Variants in ITGB1BP2 observed in about 807,000 individuals in gnomAD.
ITGB1BP2 encodes the protein integrin subunit beta 1 binding protein 2, also known as integrin beta-1-binding protein 2.
In ITGB1BP2, 27 loss-of-function variants were observed where a neutral mutation model predicts 32.2. The observed-to-expected ratio is 0.84, with a 90% CI of 0.62 to 1.16. The LOEUF is 1.16. Among genes scored for constraint, ITGB1BP2 ranks in the 50% most tolerant of loss-of-function variants. ITGB1BP2 has a pLI of 0.00. For missense variants in ITGB1BP2, 250 were observed against 267.3 expected (o/e 0.94, Z 0.45); for synonymous variants, 105 against 94.7 (o/e 1.11, Z -0.63).
chrX:71,304,331 A>C, intron 9 of ITGB1BP2, 31 bp downstream of exon 9: 1 of 1,059,554 alleles, frequency 9.4e-7, no homozygotes, highest in Non-Finnish European at 1.3e-6. Flanking sequence ...GGATGGGAGG[A>C]TAGTCAATTG....
In ITGB1BP2 at chrX:71,303,810, A is replaced by G; in HGVS notation, c.540-2A>G. ...TTCAGTTGAATTATCTTCCTACTTC[A>G]GGATGAAGTCTTGGAGCTGTTGTGG... On this transcript the variant is annotated splice_acceptor_variant, in intron 7 of 10. Transcript: ENST00000373829. LOFTEE classifies it high-confidence loss of function. The G allele has an allele frequency of 8.3e-7, 1 of 1,205,969 alleles. No individual in the cohort carries two copies. Among genetic ancestry groups the G allele is most frequent in the South Asian group, 1.8e-5 (1 of 56,391 alleles).
intron 8 of ITGB1BP2, 48 bp from the exon 9 acceptor site, chrX:71,304,139 C>G: frequency 1.0e-6 from 1 of 989,748 alleles, no homozygotes; most frequent in East Asian, 3.0e-5. Flanking sequence ...AACTCCCCTT[C>G]AGTTAAGAAT....
In ITGB1BP2 at chrX:71,302,123, A is replaced by T. The variant is rs780905771; in HGVS notation, c.65-14A>T. On this transcript the variant is annotated splice_polypyrimidine_tract_variant and intron_variant, in intron 1 of 10. Coordinates refer to ENST00000373829, the MANE Select transcript of ITGB1BP2 (RefSeq NM_012278.4). ...TATCTTCCCTTCCTTGATAACTTCT[A>T]CTGATGTCCACAGATTCCTGTTGCC... 3 of 1,207,609 alleles carry T rather than the reference A, an allele frequency of 2.5e-6. No individual in the cohort carries two copies. Among genetic ancestry groups the T allele is most frequent in the East Asian group, 5.9e-5 (2 of 33,797 alleles).
In ITGB1BP2 at chrX:71,302,536, C is replaced by T. The variant is rs1277153046; in HGVS notation, c.297C>T (p.Thr99=). Residue 99 remains threonine (T), a synonymous_variant, in exon 4 of 11, where the codon ACC becomes ACT. Coordinates refer to ENST00000373829, the MANE Select transcript of ITGB1BP2 (RefSeq NM_012278.4). ...PLNVIPKSAE[T]LRRERPKSEL... ...ATGTGATTCCAAAGTCAGCAGAGAC[C>T]TTGCGCCGGGAGAGGCCCAAGTAAA... 8.3e-7 allele frequency: 1 copy of T among 1,208,647 alleles called. No individual in the cohort carries two copies. The highest frequency in any genetic ancestry group is 1.1e-6 in the Non-Finnish European group (1 of 894,177).
In ITGB1BP2 at chrX:71,304,603, G is replaced by C. The variant is rs1257330120; in HGVS notation, c.815G>C (p.Gly272Ala). ...RVFQAQMKLW[G>A]VINVEQSSVF... ...TTCCAAGCACAGATGAAGCTCTGGG[G>C]GGTAAGTGAAGACCAGGGGACACAA... The change falls in exon 10 of 11, where the codon GGG becomes GCG. Residue 272 changes from glycine to alanine, a missense_variant and splice_region_variant. Coordinates refer to ENST00000373829, the MANE Select transcript of ITGB1BP2 (RefSeq NM_012278.4). 1.1e-5 allele frequency: 13 copies of C among 1,202,994 alleles called. No homozygotes were observed. Among genetic ancestry groups the C allele is most frequent in the Non-Finnish European group, 1.5e-5 (13 of 889,861 alleles).
At chrX:71,304,157 T>TA in intron 8 of ITGB1BP2, 30 bp from the exon 9 acceptor site, 1 of 1,093,901 alleles carries the variant, frequency 9.1e-7, no homozygotes, top group South Asian at 1.9e-5. Flanking sequence ...AATTTATTCT[T>TA]ACCACCTGCA....
chrX:71,305,029 A>C lies in ITGB1BP2; in HGVS notation c.881A>C (p.Lys294Thr). 8.3e-7 allele frequency: 1 copy of C among 1,211,208 alleles called. No homozygotes were observed. ...TCTCGGGTTGAAATCTCCCTGGTCAAGGCTGACCCAGGATCCTGGGCCCAG... is the reference window on the plus strand; with the variant it reads ...TCTCGGGTTGAAATCTCCCTGGTCACGGCTGACCCAGGATCCTGGGCCCAG... Reference protein sequence around the residue: ...MPSRVEISLVKADPGSWAQLE... With the variant: ...MPSRVEISLVTADPGSWAQLE... The change falls in exon 11 of 11, where the codon AAG (lysine) becomes ACG (threonine). Residue 294 changes from lysine to threonine, a missense_variant. By Grantham distance (78) the Lys-to-Thr change is moderately conservative. Coordinates refer to ENST00000373829, the MANE Select transcript of ITGB1BP2 (RefSeq NM_012278.4).
Position 71,302,136 on chromosome X carries a change from G to GA in ITGB1BP2, c.65dup (p.Asp22GlufsTer14), listed in dbSNP as rs1364179878. Reference sequence around the variant, plus strand: ...TTGATAACTTCTACTGATGTCCACAGATTCCTGTTGCCATCACCCTGGGGT... The same window carrying GA: ...TTGATAACTTCTACTGATGTCCACAGAATTCCTGTTGCCATCACCCTGGGGT... On this transcript the variant is annotated frameshift_variant and splice_region_variant. Transcript: ENST00000373829. LOFTEE classifies it high-confidence loss of function. 8.3e-7 allele frequency: 1 copy of GA among 1,210,086 alleles called. No homozygotes were observed. Among genetic ancestry groups the GA allele is most frequent in the Admixed American group, 2.2e-5 (1 of 45,779 alleles).
rs1053750835 is a variant in ITGB1BP2, at chrX:71,302,118, C to A, written c.65-19C>A. On this transcript the variant is annotated intron_variant, in intron 1 of 10. Coordinates refer to ENST00000373829, the MANE Select transcript of ITGB1BP2 (RefSeq NM_012278.4). ...ATAGTTATCTTCCCTTCCTTGATAA[C>A]TTCTACTGATGTCCACAGATTCCTG... 8.3e-7 allele frequency: 1 copy of A among 1,206,697 alleles called. No individual in the cohort carries two copies. Among genetic ancestry groups the A allele is most frequent in the East Asian group, 3.0e-5 (1 of 33,768 alleles).
At position 71,302,198 on chromosome X, in the gene ITGB1BP2, G is replaced by C; in HGVS notation, c.114+12G>C. On this transcript the variant is annotated intron_variant, in intron 2 of 10. Coordinates refer to ENST00000373829, the MANE Select transcript of ITGB1BP2 (RefSeq NM_012278.4). ...ATGATGCACTTAAGGTGAGGAGTAG[G>C]TGAGGGGGGTTAGCAAGAGCATTTC... The C allele has an allele frequency of 8.3e-7, 1 of 1,210,869 alleles. No individual in the cohort carries two copies. Among genetic ancestry groups the C allele is most frequent in the Non-Finnish European group, 1.1e-6 (1 of 895,018 alleles).
intron 6 of ITGB1BP2, 28 bp downstream of exon 6, chrX:71,303,544 C>T: frequency 8.3e-7 from 1 of 1,209,387 alleles, no homozygotes. Flanking sequence ...GGGGCTCAAG[C>T]ATATGGCTGA....
At chrX:71,304,711 G>GAAAACCTCC in intron 10 of ITGB1BP2, 107 bp downstream of exon 10, 1 of 647,342 alleles carries the variant, frequency 1.5e-6, no homozygotes, top group Non-Finnish European at 2.4e-6. Context: ...GGAAAATGGA[G>GAAAACCTCC]GTTTTCTCTT....
chrX:71,304,802 C>T, intron 10 of ITGB1BP2, 163 bp from the exon 11 acceptor site: 1 of 483,790 alleles, frequency 2.1e-6, no homozygotes. Context: ...CTTTTCATCT[C>T]TCATTTCTTT....
Position 71,303,973 on chromosome X carries a change from C to G in ITGB1BP2, c.639+62C>G. The G allele has an allele frequency of 6.3e-6, 6 of 946,737 alleles. No individual in the cohort carries two copies. In the South Asian group the frequency reaches 8.8e-5, roughly 14 times the overall value. 78.0% of individuals were successfully genotyped at this position (946,737 alleles called of 1,213,427 possible). A position where few individuals can be genotyped will look rare whatever the true frequency, so the allele number is the denominator to read the frequency against. Reference sequence around the variant, plus strand: ...CAATCTCAGAGGTAAATTCTCCTCCCTCTCTGTACCACATAGCCAAGCTCC... The same window carrying G: ...CAATCTCAGAGGTAAATTCTCCTCCGTCTCTGTACCACATAGCCAAGCTCC... On this transcript the variant is annotated intron_variant, in intron 8 of 10. Coordinates refer to ENST00000373829, the MANE Select transcript of ITGB1BP2 (RefSeq NM_012278.4).
chrX:71,302,576 T>C lies in ITGB1BP2; in HGVS notation c.317+20T>C, dbSNP rs1435494703. On this transcript the variant is annotated intron_variant, in intron 4 of 10. Transcript: ENST00000373829. ...GCCCAAGTAAAGAGGAGGAGGCCCC[T>C]GGACTTTTCTTATTTTCATGTAGCT... 8.5e-7 allele frequency: 1 copy of C among 1,182,085 alleles called. No individual in the cohort carries two copies. Among genetic ancestry groups the C allele is most frequent in the East Asian group, 3.0e-5 (1 of 33,260 alleles).
chrX:71,304,111 C>T (rs2031658963), intron 8 of ITGB1BP2, 76 bp from the exon 9 acceptor site: 2 of 831,369 alleles, frequency 2.4e-6, no homozygotes, highest in Admixed American at 4.8e-5. Context: ...TCTGTCTCTT[C>T]TCCACGTGCA....
Position 71,303,433 on chromosome X carries a change from A to C in ITGB1BP2, c.413-28A>C, listed in dbSNP as rs201557329. The stretch of plus-strand genomic sequence containing the variant: ...TGGCAATTGAGTGGGGGGATGGATA[A>C]GTTCCTGACTCTGTTTCCCTTGCCC... On this transcript the variant is annotated intron_variant, in intron 5 of 10. Transcript: ENST00000373829. 628 of 1,209,028 alleles carry C rather than the reference A, an allele frequency of 5.2e-4. 1 individual carries two copies. Among genetic ancestry groups the C allele is most frequent in the Non-Finnish European group, 5.8e-4 (518 of 894,734 alleles).
At chrX:71,304,653 A>T (rs1301853940) in intron 10 of ITGB1BP2, 49 bp downstream of exon 10, 1 of 1,055,301 alleles carries the variant, frequency 9.5e-7, no homozygotes, top group Admixed American at 2.3e-5. Flanking sequence ...TGGGTGAAAG[A>T]GCGGCTAGAC....
Position 71,303,837 on chromosome X carries a change from A to T in ITGB1BP2, c.565A>T (p.Ile189Phe). The T allele has an allele frequency of 8.3e-7, 1 of 1,209,689 alleles. No individual in the cohort carries two copies. Among genetic ancestry groups the T allele is most frequent in the Non-Finnish European group, 1.1e-6 (1 of 894,487 alleles). ...EGMKSWSCCG[I>F]QTLDFGAFLA... ...GATGAAGTCTTGGAGCTGTTGTGGC[A>T]TCCAGACCCTGGATTTTGGGGCATT... The change falls in exon 8 of 11, where the codon ATC becomes TTC. Residue 189 changes from isoleucine (I) to phenylalanine (F), a missense_variant. By Grantham distance (21) the Ile-to-Phe change is conservative. Coordinates refer to ENST00000373829, the MANE Select transcript of ITGB1BP2 (RefSeq NM_012278.4).
Sources: allele counts gnomAD v4.1 joint callset, GRCh38; gene constraint gnomAD v4.1.1; transcripts MANE v1.5; gene names NCBI Gene and HGNC (gene_info 2026-07-23, HGNC 2026-07-21).